ANKRD30A: variants seen among roughly 807,000 people sequenced by gnomAD.
ANKRD30A encodes ankyrin repeat domain-containing protein 30A.
In ANKRD30A, 170 loss-of-function variants were observed where a neutral mutation model predicts 166.3. That is an observed-to-expected ratio of 1.02 (90% CI 0.90 to 1.16). The LOEUF is 1.16. Ranked by LOEUF, ANKRD30A falls within the 50% of genes most tolerant of loss-of-function variation. ANKRD30A has a pLI of 0.00. For missense variants in ANKRD30A, 1,630 were observed against 1,518.0 expected (o/e 1.07, Z -1.23); for synonymous variants, 564 against 508.9 (o/e 1.11, Z -1.46).
rs1460848678 is a variant in ANKRD30A, at chr10:37,125,598, G to A, written c.-190G>A. Reference sequence around the variant, plus strand: ...AGCTGCGCATGCGCTGCTGGCTAACGGCTCTGCTCAGCGCGATTCTACTGA... The same window carrying A: ...AGCTGCGCATGCGCTGCTGGCTAACAGCTCTGCTCAGCGCGATTCTACTGA... On this transcript the variant is annotated 5_prime_UTR_variant, in exon 1 of 36. Transcript: ENST00000361713. Among the ~76,000 whole-genome samples, 1 of 152,186 alleles carries A rather than the reference G, an allele frequency of 6.6e-6. No homozygotes were observed. The highest frequency in any genetic ancestry group is 1.5e-5 in the Non-Finnish European group (1 of 68,026).
intron 25 of ANKRD30A, among the ~76,000 whole-genome samples, chr10:37,190,598 G>A (rs149882076): frequency 0.02 from 3,110 of 151,926 alleles, 78 homozygotes; most frequent in Middle Eastern, 0.031. Flanking sequence ...GAGAGATTGT[G>A]AGGCAGGAAG....
chr10:37,231,500 A>G lies in ANKRD30A; in HGVS notation c.*31A>G, dbSNP rs202054228. On this transcript the variant is annotated 3_prime_UTR_variant, in exon 35 of 36. Transcript: ENST00000361713. ...AAGCAGTAAGAAACTTCTTTTGGAG[A>G]AACAACAGACCAGATCTTTACTCAC... 5.1e-5 allele frequency: 80 copies of G among 1,579,654 alleles called. No homozygotes were observed. The East Asian group carries it at 1.8e-3, about 36-fold the overall frequency.
chr10:37,221,092 G>A (rs1842877064), intron 34 of ANKRD30A, among the ~76,000 whole-genome samples: 1 of 143,418 alleles, frequency 7.0e-6, no homozygotes, highest in South Asian at 2.2e-4. Context: ...AAGCATTACA[G>A]ATTCATTAGC....
the ANKRD30A span, among the ~76,000 whole-genome samples, chr10:37,255,680 A>T: frequency 1.3e-5 from 2 of 152,178 alleles, no homozygotes; most frequent in Admixed American, 6.5e-5. Flanking sequence ...ATAAATTTTT[A>T]TGGCATTTTA....
In ANKRD30A at chr10:37,171,046, C is replaced by T. The variant is rs1268980444; in HGVS notation, c.2257+1322C>T. Among the ~76,000 whole-genome samples, 5 of 83,406 alleles carry T rather than the reference C, an allele frequency of 6.0e-5. No individual in the cohort carries two copies. The East Asian group carries it at 7.2e-4, about 12-fold the overall frequency. 54.7% of individuals were successfully genotyped at this position (83,406 alleles called of 152,430 possible). On this transcript the variant is annotated intron_variant, in intron 21 of 35. Coordinates refer to ENST00000361713, the MANE Select transcript of ANKRD30A (RefSeq NM_052997.3). ...ATCCGGATCTCCTGACCTTGTGGTC[C>T]GCCCGTCTCGGCCTCCCAAAGTACT...
chr10:37,245,940 G>C, the ANKRD30A span, among the ~76,000 whole-genome samples: 1 of 152,144 alleles, frequency 6.6e-6, no homozygotes, highest in South Asian at 2.1e-4. Flanking sequence ...CCTCAACATG[G>C]CTGCTTGCTT....
At chr10:37,193,315 T>C in intron 27 of ANKRD30A, 57 bp downstream of exon 27, 2 of 1,544,712 alleles carry the variant, frequency 1.3e-6, no homozygotes, top group Non-Finnish European at 8.8e-7. Flanking sequence ...ATATTTGAAA[T>C]GCTGTGAGAC....
chr10:37,155,311 C>T (rs182672058), intron 13 of ANKRD30A, among the ~76,000 whole-genome samples: 3 of 152,194 alleles, frequency 2.0e-5, no homozygotes, highest in East Asian at 1.9e-4. Context: ...GATGGCTAAG[C>T]TGGAAATTAC....
At position 37,217,772 on chromosome 10, in the gene ANKRD30A, G is replaced by A. The variant is rs1367819680; in HGVS notation, c.3161G>A (p.Arg1054Lys). 6.3e-7 allele frequency: 1 copy of A among 1,597,398 alleles called. No individual in the cohort carries two copies. Among genetic ancestry groups the A allele is most frequent in the East Asian group, 2.3e-5 (1 of 43,980 alleles). ...GAAAAAATTAGGGAAGAATTAGGAA[G>A]AATCGAAGAGCAGCATAGGAAAGAG... ...LNEKIREELG[R>K]IEEQHRKELE... The change falls in exon 33 of 36, where the codon AGA becomes AAA. Residue 1054 changes from arginine to lysine, a missense_variant. By Grantham distance (26) the Arg-to-Lys change is conservative (BLOSUM62 2). This residue lies in a region of ANKRD30A where 712 missense variants were observed against 629.3 expected (regional missense o/e 1.13). Transcript: ENST00000361713.
intron 27 of ANKRD30A, 72 bp from the exon 28 acceptor site, chr10:37,197,209 A>C: frequency 6.3e-7 from 1 of 1,586,944 alleles, no homozygotes; most frequent in Non-Finnish European, 8.6e-7. Context: ...GTTAGATACT[A>C]TCACGGCATT....
chr10:37,149,958 G>C, intron 11 of ANKRD30A, 109 bp downstream of exon 11: 2 of 1,452,712 alleles, frequency 1.4e-6, no homozygotes, highest in Non-Finnish European at 1.9e-6. Context: ...GAAAACATTT[G>C]ATCTAGATAA....
intron 3 of ANKRD30A, among the ~76,000 whole-genome samples, chr10:37,131,322 G>A (rs1292573453): frequency 6.6e-6 from 1 of 152,014 alleles, no homozygotes; most frequent in Non-Finnish European, 1.5e-5. Context: ...ATAGAAACCA[G>A]AATAAAAATG....
At chr10:37,137,432 C>T (rs1836784921) in intron 6 of ANKRD30A, among the ~76,000 whole-genome samples, 1 of 152,156 alleles carries the variant, frequency 6.6e-6, no homozygotes, top group African/African-American at 2.4e-5. Flanking sequence ...GAGGCATTGC[C>T]TCACCTGGGA....
chr10:37,198,800 C>G (rs750217851), intron 29 of ANKRD30A, among the ~76,000 whole-genome samples: 16 of 152,094 alleles, frequency 1.1e-4, no homozygotes, highest in South Asian at 2.1e-4. Context: ...TATACGTACC[C>G]TTAATGATGA....
chr10:37,183,944 C>T (rs1300847159), intron 24 of ANKRD30A, among the ~76,000 whole-genome samples: 36 of 151,088 alleles, frequency 2.4e-4, no homozygotes, highest in African/African-American at 6.5e-4. Flanking sequence ...GTTAGGAGAT[C>T]GAGACCATCC....
the ANKRD30A span, among the ~76,000 whole-genome samples, chr10:37,256,414 A>G: frequency 2.0e-5 from 3 of 152,140 alleles, no homozygotes; most frequent in Admixed American, 1.3e-4. Flanking sequence ...ACACCACCAC[A>G]CTTGGCTAAT....
intron 29 of ANKRD30A, among the ~76,000 whole-genome samples, chr10:37,199,004 G>C (rs1283836923): frequency 6.6e-6 from 1 of 152,054 alleles, no homozygotes; most frequent in African/African-American, 2.4e-5. Flanking sequence ...ATGTGGGAAC[G>C]TTGGATTACT....
chr10:37,222,499 A>G (rs1270679064), intron 34 of ANKRD30A, among the ~76,000 whole-genome samples: 3 of 151,282 alleles, frequency 2.0e-5, no homozygotes, highest in Non-Finnish European at 3.0e-5. Context: ...CTATTCATTC[A>G]TCAGTTGATA....
At chr10:37,193,636 A>G (rs1158080975) in intron 27 of ANKRD30A, among the ~76,000 whole-genome samples, 6 of 152,074 alleles carry the variant, frequency 3.9e-5, no homozygotes, top group Non-Finnish European at 8.8e-5. Flanking sequence ...ACTTGCTGAC[A>G]TGACAGTTGT....
Sources: gnomAD v4.1 joint callset for allele counts (sites outside exome capture counted in the v4.1 genomes callset) on GRCh38, gnomAD v4.1.1 for gene constraint, gnomAD v4.1.1 regional missense constraint, MANE v1.5 for transcripts, NCBI Gene and HGNC (gene_info 2026-07-23, HGNC 2026-07-21) for gene names.